TRPC5: variants seen among roughly 807,000 people sequenced by gnomAD.
TRPC5 encodes short transient receptor potential channel 5.
TRPC5 carries 9 observed loss-of-function variants against 56.5 expected under a neutral mutation model. That is an observed-to-expected ratio of 0.16 (90% CI 0.10 to 0.28). The LOEUF (loss-of-function observed/expected upper bound fraction) is 0.28, where lower values mean the gene tolerates loss of function less well. Among genes scored for constraint, TRPC5 ranks in the 10% least tolerant of loss-of-function variants. The pLI, the probability that TRPC5 is intolerant of heterozygous loss-of-function variation, is 1.00. For synonymous variants in TRPC5, 282 were observed against 278.5 expected (o/e 1.01, Z -0.13); for missense variants, 469 against 748.9 (o/e 0.63, Z 4.36).
At chrX:111,897,489 CATG>C (rs1276732826) in intron 3 of TRPC5, among the ~76,000 whole-genome samples, 3 of 111,326 alleles carry the variant, frequency 2.7e-5, no homozygotes. Context: ...CGTACCTAAA[CATG>C]ATCATTACCA....
At chrX:111,942,102 G>A (rs1167214972) in intron 2 of TRPC5, among the ~76,000 whole-genome samples, 2 of 111,873 alleles carry the variant, frequency 1.8e-5, no homozygotes, top group Non-Finnish European at 3.8e-5. Context: ...GAATTCACCA[G>A]TCCCTTGCTA....
chrX:111,902,695 G>A (rs1925409318), intron 3 of TRPC5: 2 of 112,014 alleles, frequency 1.8e-5, no homozygotes, highest in East Asian at 2.8e-4. Context: ...GCATGTGTCC[G>A]ACAAAAAATG....
chrX:112,032,281 G>A (rs1017193250), intron 1 of TRPC5, among the ~76,000 whole-genome samples: 1 of 109,559 alleles, frequency 9.1e-6, no homozygotes, highest in African/African-American at 3.4e-5. Flanking sequence ...AAAGGGAACT[G>A]TTACACACTG....
chrX:111,912,197 G>A, intron 3 of TRPC5, 94 bp downstream of exon 3: 4 of 1,004,476 alleles, frequency 4.0e-6, no homozygotes, highest in Non-Finnish European at 5.4e-6. Flanking sequence ...GTTTGTTAGG[G>A]GGCTAAATGG....
At chrX:111,914,614 G>T (rs1292897767) in intron 2 of TRPC5, among the ~76,000 whole-genome samples, 2 of 112,094 alleles carry the variant, frequency 1.8e-5, no homozygotes, top group African/African-American at 6.5e-5. Flanking sequence ...ACTGCATAAT[G>T]GTCATTAATG....
chrX:111,880,711 A>G (rs1924169173), intron 3 of TRPC5, among the ~76,000 whole-genome samples: 3 of 112,478 alleles, frequency 2.7e-5, no homozygotes, highest in Non-Finnish European at 5.6e-5. Flanking sequence ...GTGTATGTAT[A>G]TACAAATACA....
rs1332218645 is a variant in TRPC5, at chrX:111,781,920, A to T, written c.2100+15T>A. On this transcript the variant is annotated intron_variant, in intron 8 of 10. Transcript: ENST00000262839. ...CAATTTTTAAAAATTAAGTTTTCAA[A>T]ATTAAAAGTCTTACTGTGAAACTTC... The T allele has an allele frequency of 4.3e-6, 5 of 1,163,216 alleles. No individual in the cohort carries two copies. The highest frequency in any genetic ancestry group is 5.7e-6 in the Non-Finnish European group (5 of 871,339).
intron 1 of TRPC5, among the ~76,000 whole-genome samples, chrX:112,067,664 C>G (rs1261435433): frequency 8.9e-6 from 1 of 111,948 alleles, no homozygotes; most frequent in African/African-American, 3.3e-5. Context: ...CCACTGCTCT[C>G]AGATCAGAGC....
intron 1 of TRPC5, among the ~76,000 whole-genome samples, chrX:111,963,954 A>G (rs957633633): frequency 1.8e-5 from 2 of 112,506 alleles, no homozygotes; most frequent in East Asian, 5.6e-4. Context: ...CTCACCAGCA[A>G]TGGAACAAAG....
intron 6 of TRPC5, among the ~76,000 whole-genome samples, chrX:111,842,753 C>G (rs925809033): frequency 1.8e-5 from 2 of 112,004 alleles, no homozygotes; most frequent in East Asian, 5.6e-4. Flanking sequence ...GAGCTTTGCT[C>G]TTGGGCCAAG....
At chrX:111,930,890 A>T (rs188462447) in intron 2 of TRPC5, 1 of 118,242 alleles carries the variant, frequency 8.5e-6, no homozygotes. Context: ...AGGATGAGGG[A>T]TAGGGCCCCA....
intron 1 of TRPC5, among the ~76,000 whole-genome samples, chrX:112,009,446 T>C (rs1331104373): frequency 9.0e-6 from 1 of 111,431 alleles, no homozygotes; most frequent in Non-Finnish European, 1.9e-5. Flanking sequence ...TTCCTCATCT[T>C]CACAACTTGC....
At chrX:112,078,864 C>T (rs1466137436) in intron 1 of TRPC5, among the ~76,000 whole-genome samples, 1 of 111,685 alleles carries the variant, frequency 9.0e-6, no homozygotes, top group Admixed American at 9.5e-5. Flanking sequence ...GTTTGAGGGG[C>T]CCATCAACAG....
At chrX:111,848,138 G>T (rs1015225201) in intron 5 of TRPC5, among the ~76,000 whole-genome samples, 6 of 111,798 alleles carry the variant, frequency 5.4e-5, no homozygotes, top group African/African-American at 2.0e-4. Context: ...CAGTTCATTT[G>T]ACAACTCTGT....
chrX:111,815,614 G>A lies in TRPC5; in HGVS notation c.1896+19307C>T, dbSNP rs188388147. On this transcript the variant is annotated intron_variant, in intron 7 of 10. Transcript: ENST00000262839. ...CACGCGCCTGTAATCGCAGCTACTC[G>A]GGAGGTTGAGGCAGGCGAATTGCTT... Among the ~76,000 whole-genome samples, 479 of 110,464 alleles carry A rather than the reference G, an allele frequency of 4.3e-3. 5 individuals carry two copies. The highest frequency in any genetic ancestry group is 0.028 in the Middle Eastern group (6 of 214).
chrX:111,895,048 C>T (rs1924998990), intron 3 of TRPC5, among the ~76,000 whole-genome samples: 1 of 111,716 alleles, frequency 9.0e-6, no homozygotes, highest in Admixed American at 9.5e-5. Flanking sequence ...TGGTTATATA[C>T]TTAGGAGTAG....
At chrX:111,889,522 G>A (rs1924702374) in intron 3 of TRPC5, among the ~76,000 whole-genome samples, 1 of 111,840 alleles carries the variant, frequency 8.9e-6, no homozygotes, top group African/African-American at 3.3e-5. Flanking sequence ...GTATTGGGAG[G>A]GCTCATGCCA....
chrX:111,934,698 C>A lies in TRPC5; in HGVS notation c.378+17345G>T, dbSNP rs760043328. ...CAATCGTTTCAACTTTTAGCTCCCC[C>A]AAATGAGTGAGAACATGAGAAGTTT... On this transcript the variant is annotated intron_variant, in intron 2 of 10. Coordinates refer to ENST00000262839, the MANE Select transcript of TRPC5 (RefSeq NM_012471.3). 7.2e-5 allele frequency among the ~76,000 whole-genome samples: 8 copies of A among 111,437 alleles called. No homozygotes were observed. In the South Asian group the frequency reaches 2.3e-3, roughly 32 times the overall value.
intron 7 of TRPC5, among the ~76,000 whole-genome samples, chrX:111,788,861 T>C (rs955043198): frequency 9.0e-5 from 10 of 111,683 alleles, no homozygotes; most frequent in Non-Finnish European, 1.9e-4. Flanking sequence ...TTACAAGGGA[T>C]GTGAAGGACC....
Sources: allele counts gnomAD v4.1 joint callset (sites outside exome capture counted in the v4.1 genomes callset), GRCh38; gene constraint gnomAD v4.1.1; transcripts MANE v1.5; gene names NCBI Gene and HGNC (gene_info 2026-07-23, HGNC 2026-07-21).